Variants in ASIC2 observed in about 807,000 individuals in gnomAD.
ASIC2 encodes acid sensing ion channel subunit 2.
ASIC2 carries 25 observed loss-of-function variants against 57.3 expected under a neutral mutation model. The observed-to-expected ratio is 0.44, with a 90% CI of 0.32 to 0.61. The LOEUF is 0.61. ASIC2 is among the 20% of genes least tolerant of loss of function. The pLI, the probability that ASIC2 is intolerant of heterozygous loss-of-function variation, is 0.06. For missense variants in ASIC2, 641 were observed against 738.1 expected (o/e 0.87, Z 1.52); for synonymous variants, 319 against 307.5 (o/e 1.04, Z -0.39).
intron 1 of ASIC2, among the ~76,000 whole-genome samples, chr17:34,009,641 C>T (rs751739361): frequency 6.6e-5 from 10 of 152,162 alleles, no homozygotes; most frequent in Non-Finnish European, 1.3e-4. Context: ...GACAGCTCTG[C>T]TCTGAGGGAA....
At chr17:33,550,907 G>A (rs1250974334) in intron 1 of ASIC2, among the ~76,000 whole-genome samples, 1 of 152,164 alleles carries the variant, frequency 6.6e-6, no homozygotes, top group Non-Finnish European at 1.5e-5. Flanking sequence ...GCTTTTGTGT[G>A]ACTGACCTGT....
At chr17:33,453,715 G>A (rs534381911) in intron 1 of ASIC2, among the ~76,000 whole-genome samples, 2 of 152,190 alleles carry the variant, frequency 1.3e-5, no homozygotes, top group East Asian at 1.9e-4. Flanking sequence ...TGGGACCAGC[G>A]CCACAATCAA....
At chr17:33,796,893 T>C (rs1437944657) in intron 1 of ASIC2, among the ~76,000 whole-genome samples, 5 of 152,214 alleles carry the variant, frequency 3.3e-5, no homozygotes, top group Non-Finnish European at 5.9e-5. Flanking sequence ...TGAGTCTCAG[T>C]TTCCTCCTTC....
chr17:33,717,102 A>G (rs574190927), intron 1 of ASIC2, among the ~76,000 whole-genome samples: 1 of 152,350 alleles, frequency 6.6e-6, no homozygotes, highest in Non-Finnish European at 1.5e-5. Context: ...ACGCACTACT[A>G]ATGATGATTT....
At chr17:33,949,824 A>G (rs1226132648) in intron 1 of ASIC2, among the ~76,000 whole-genome samples, 1 of 152,266 alleles carries the variant, frequency 6.6e-6, no homozygotes, top group Non-Finnish European at 1.5e-5. Context: ...GCACCTAGCA[A>G]AGGCTTAGTG....
intron 1 of ASIC2, among the ~76,000 whole-genome samples, chr17:33,476,762 C>G (rs1255554411): frequency 6.6e-6 from 1 of 151,976 alleles, no homozygotes; most frequent in Non-Finnish European, 1.5e-5. Flanking sequence ...GCAGACCAAT[C>G]TAATTTTCTC....
chr17:33,504,421 C>T (rs75377228), intron 1 of ASIC2, among the ~76,000 whole-genome samples: 15,670 of 152,240 alleles, frequency 0.1, 1,298 homozygotes, highest in African/African-American at 0.23. Context: ...TCACTGCAAC[C>T]TCCACCTCCC....
chr17:33,832,673 T>G (rs575192795), intron 1 of ASIC2, among the ~76,000 whole-genome samples: 3 of 152,336 alleles, frequency 2.0e-5, no homozygotes, highest in Admixed American at 6.5e-5. Context: ...ATGTTGGCAT[T>G]TAAAGATTAG....
intron 4 of ASIC2, among the ~76,000 whole-genome samples, chr17:33,027,106 C>T (rs6505325): frequency 0.14 from 21,289 of 152,128 alleles, 1,599 homozygotes; most frequent in South Asian, 0.18. Flanking sequence ...TTCATTTCCT[C>T]GCCTTTCCCA....
At chr17:33,811,281 A>C (rs1043359135) in intron 1 of ASIC2, among the ~76,000 whole-genome samples, 2 of 152,192 alleles carry the variant, frequency 1.3e-5, no homozygotes, top group African/African-American at 2.4e-5. Context: ...AGAGAGGAGA[A>C]ACAGGGGACT....
intron 1 of ASIC2, among the ~76,000 whole-genome samples, chr17:33,278,386 CT>C (rs1348687557): frequency 2.0e-5 from 3 of 151,950 alleles, no homozygotes; most frequent in African/African-American, 2.4e-5. Flanking sequence ...GGTGGTGCGT[CT>C]CTGTAGTCCC....
intron 1 of ASIC2, among the ~76,000 whole-genome samples, chr17:33,205,242 C>T (rs552996432): frequency 2.0e-5 from 3 of 152,332 alleles, no homozygotes; most frequent in African/African-American, 7.2e-5. Flanking sequence ...CAAAGCCACC[C>T]TGTGTGCCCC....
chr17:33,046,015 G>A (rs2091952911), intron 3 of ASIC2, among the ~76,000 whole-genome samples: 1 of 152,222 alleles, frequency 6.6e-6, no homozygotes, highest in East Asian at 1.9e-4. Context: ...TGTGAATGAA[G>A]CCTCCAGAGA....
chr17:33,772,245 T>A (rs1234498134), intron 1 of ASIC2, among the ~76,000 whole-genome samples: 1 of 152,100 alleles, frequency 6.6e-6, no homozygotes, highest in Non-Finnish European at 1.5e-5. Flanking sequence ...CTGTCCCACA[T>A]CCAGAGGAAA....
At chr17:33,993,227 C>T (rs1247186783) in intron 1 of ASIC2, among the ~76,000 whole-genome samples, 2 of 152,126 alleles carry the variant, frequency 1.3e-5, no homozygotes, top group African/African-American at 4.8e-5. Flanking sequence ...TGGTAGCTTC[C>T]CTGTAATTAA....
chr17:33,068,924 C>A (rs530490822), intron 3 of ASIC2, among the ~76,000 whole-genome samples: 1 of 152,136 alleles, frequency 6.6e-6, no homozygotes, highest in East Asian at 1.9e-4. Flanking sequence ...AATGCAGAAG[C>A]TGAGGTCATG....
chr17:33,473,860 C>T (rs879843945), intron 1 of ASIC2, among the ~76,000 whole-genome samples: 8 of 151,774 alleles, frequency 5.3e-5, no homozygotes, highest in African/African-American at 1.9e-4. Context: ...TGTCCACCCC[C>T]CATCACGTAC....
chr17:33,334,902 T>G (rs370708403), intron 1 of ASIC2, among the ~76,000 whole-genome samples: 1 of 152,214 alleles, frequency 6.6e-6, no homozygotes, highest in African/African-American at 2.4e-5. Flanking sequence ...GTCAGTGTGA[T>G]TCACAGAGTA....
intron 1 of ASIC2, among the ~76,000 whole-genome samples, chr17:33,967,484 C>G (rs187476686): frequency 1.5e-4 from 23 of 152,208 alleles, no homozygotes; most frequent in African/African-American, 4.1e-4. Context: ...ATCCACCCCC[C>G]TCAGCCTCCC....
Sources: gnomAD v4.1 joint callset for allele counts (sites outside exome capture counted in the v4.1 genomes callset) on GRCh38, gnomAD v4.1.1 for gene constraint, MANE v1.5 for transcripts, NCBI Gene and HGNC (gene_info 2026-07-23, HGNC 2026-07-21) for gene names.